Variants in LHFPL3 observed in about 807,000 individuals in gnomAD.
The protein encoded by LHFPL3 is LHFPL tetraspan subfamily member 3 protein.
In LHFPL3, 5 loss-of-function variants were observed where a neutral mutation model predicts 19.3. That is an observed-to-expected ratio of 0.26 (90% confidence interval 0.14 to 0.54). The LOEUF (loss-of-function observed/expected upper bound fraction) is 0.54. Ranked by LOEUF, LHFPL3 falls within the 20% of genes least tolerant of loss-of-function variation. The pLI, the probability that LHFPL3 is intolerant of heterozygous loss-of-function variation, is 0.94. For synonymous variants in LHFPL3, 133 were observed against 126.2 expected (o/e 1.05, Z -0.36); for missense variants, 249 against 307.4 (o/e 0.81, Z 1.42).
chr7:104,873,501 A>G (rs1791874519), intron 2 of LHFPL3, among the ~76,000 whole-genome samples: 1 of 127,590 alleles, frequency 7.8e-6, no homozygotes, highest in African/African-American at 3.6e-5. Flanking sequence ...GTAGCACTAC[A>G]CCGGTTATCC....
intron 1 of LHFPL3, among the ~76,000 whole-genome samples, chr7:104,491,283 A>T (rs999350971): frequency 2.5e-4 from 38 of 152,154 alleles, no homozygotes; most frequent in African/African-American, 8.9e-4. Context: ...ATGGAAAATG[A>T]TAACTTTTGG....
chr7:104,435,481 T>C (rs1401869710), intron 1 of LHFPL3, among the ~76,000 whole-genome samples: 2 of 151,162 alleles, frequency 1.3e-5, no homozygotes, highest in African/African-American at 2.4e-5. Flanking sequence ...TAAATTTTTT[T>C]ATAAAATGAC....
At chr7:104,739,646 A>G (rs1313852494) in intron 2 of LHFPL3, among the ~76,000 whole-genome samples, 1 of 152,182 alleles carries the variant, frequency 6.6e-6, no homozygotes, top group Non-Finnish European at 1.5e-5. Context: ...TTTTTCTGAT[A>G]AAACTACTGA....
chr7:104,463,910 C>G (rs947043156), intron 1 of LHFPL3, among the ~76,000 whole-genome samples: 2 of 152,196 alleles, frequency 1.3e-5, no homozygotes, highest in Non-Finnish European at 2.9e-5. Context: ...ACAATCATGC[C>G]CTTCCAACAG....
intron 1 of LHFPL3, among the ~76,000 whole-genome samples, chr7:104,730,582 T>C (rs1317135305): frequency 2.1e-5 from 3 of 143,564 alleles, no homozygotes; most frequent in Non-Finnish European, 4.6e-5. Context: ...GCCCACTTTT[T>C]GATGGGGTTG....
chr7:104,881,309 T>C (rs1458631179), intron 2 of LHFPL3, among the ~76,000 whole-genome samples: 1 of 152,232 alleles, frequency 6.6e-6, no homozygotes, highest in African/African-American at 2.4e-5. Context: ...TAAGAACTTT[T>C]GTGATTCATA....
intron 1 of LHFPL3, among the ~76,000 whole-genome samples, chr7:104,733,278 T>C (rs895781114): frequency 2.6e-5 from 4 of 152,196 alleles, no homozygotes; most frequent in African/African-American, 4.8e-5. Flanking sequence ...CTGGATATCC[T>C]TGTTAACTTT....
chr7:104,843,177 G>T (rs1437848736), intron 2 of LHFPL3, among the ~76,000 whole-genome samples: 1 of 152,216 alleles, frequency 6.6e-6, no homozygotes, highest in Non-Finnish European at 1.5e-5. Context: ...CAGACTCTGG[G>T]AGCCTGCAGC....
chr7:104,542,241 G>T (rs1794499416), intron 1 of LHFPL3, among the ~76,000 whole-genome samples: 1 of 152,026 alleles, frequency 6.6e-6, no homozygotes, highest in African/African-American at 2.4e-5. Context: ...TCTGGCCCAT[G>T]AAAACCTGAC....
At chr7:104,495,544 T>C (rs764834045) in intron 1 of LHFPL3, among the ~76,000 whole-genome samples, 12 of 152,120 alleles carry the variant, frequency 7.9e-5, no homozygotes, top group Non-Finnish European at 1.3e-4. Context: ...CCACCACGCT[T>C]GGCTAATTTT....
intron 1 of LHFPL3, among the ~76,000 whole-genome samples, chr7:104,440,873 G>A (rs1409864064): frequency 2.0e-5 from 3 of 151,946 alleles, no homozygotes; most frequent in Non-Finnish European, 4.4e-5. Context: ...TTTTATTAAG[G>A]TATAATTGAT....
At chr7:104,495,660 G>C (rs1214040609) in intron 1 of LHFPL3, among the ~76,000 whole-genome samples, 1 of 152,172 alleles carries the variant, frequency 6.6e-6, no homozygotes, top group Non-Finnish European at 1.5e-5. Context: ...TGGGATTACA[G>C]GCTTGAGCTA....
chr7:104,644,027 T>C (rs1791884340), intron 1 of LHFPL3, among the ~76,000 whole-genome samples: 1 of 152,230 alleles, frequency 6.6e-6, no homozygotes, highest in African/African-American at 2.4e-5. Context: ...GTGTTAACTC[T>C]ATGGGGAGAG....
At chr7:104,489,718 A>G (rs1793304057) in intron 1 of LHFPL3, among the ~76,000 whole-genome samples, 2 of 152,008 alleles carry the variant, frequency 1.3e-5, no homozygotes, top group African/African-American at 2.4e-5. Context: ...AGGACAGGGA[A>G]CTGGCCCAGT....
chr7:104,587,813 T>G (rs1271601338), intron 1 of LHFPL3, among the ~76,000 whole-genome samples: 1 of 152,188 alleles, frequency 6.6e-6, no homozygotes, highest in Non-Finnish European at 1.5e-5. Context: ...ATCGCCATTC[T>G]AACTGGTGTG....
chr7:104,416,062 T>G (rs1458863176), intron 1 of LHFPL3, among the ~76,000 whole-genome samples: 1 of 152,210 alleles, frequency 6.6e-6, no homozygotes, highest in Non-Finnish European at 1.5e-5. Context: ...GTTGCAGATG[T>G]AACTAGTTAG....
intron 1 of LHFPL3, among the ~76,000 whole-genome samples, chr7:104,375,858 C>G (rs1037330090): frequency 2.0e-5 from 3 of 152,146 alleles, no homozygotes; most frequent in Non-Finnish European, 4.4e-5. Flanking sequence ...TCTTTCTTAC[C>G]TATTAATGTT....
chr7:104,642,137 A>C (rs907705406), intron 1 of LHFPL3, among the ~76,000 whole-genome samples: 7 of 149,388 alleles, frequency 4.7e-5, no homozygotes, highest in African/African-American at 1.7e-4. Flanking sequence ...TCCCAGGTTC[A>C]AGCGATTCTC....
intron 1 of LHFPL3, among the ~76,000 whole-genome samples, chr7:104,713,142 A>G (rs1350431863): frequency 6.6e-6 from 1 of 152,186 alleles, no homozygotes; most frequent in Non-Finnish European, 1.5e-5. Flanking sequence ...CCATATGTTG[A>G]TCTACAACAT....
Sources: gnomAD v4.1 joint callset for allele counts (sites outside exome capture counted in the v4.1 genomes callset) on GRCh38, gnomAD v4.1.1 for gene constraint, MANE v1.5 for transcripts, NCBI Gene and HGNC (gene_info 2026-07-23, HGNC 2026-07-21) for gene names.